Variants in PTPRO observed in about 807,000 individuals in gnomAD.
PTPRO encodes receptor-type tyrosine-protein phosphatase O.
In PTPRO, 62 loss-of-function variants were observed where a neutral mutation model predicts 145.2. The observed-to-expected ratio is 0.43, with a 90% confidence interval of 0.35 to 0.53. The LOEUF is 0.53. Ranked by LOEUF, PTPRO falls within the 20% of genes least tolerant of loss-of-function variation. The pLI is 0.01. For synonymous variants in PTPRO, 565 were observed against 514.7 expected (o/e 1.10, Z -1.32); for missense variants, 1,345 against 1,482.7 (o/e 0.91, Z 1.53).
At chr12:15,398,456 A>G (rs1320046992) in intron 1 of PTPRO, among the ~76,000 whole-genome samples, 1 of 149,612 alleles carries the variant, frequency 6.7e-6, no homozygotes, top group Non-Finnish European at 1.5e-5. Context: ...TACTATTTAT[A>G]TGCTAGCTAT....
intron 1 of PTPRO, among the ~76,000 whole-genome samples, chr12:15,407,030 T>C (rs777976761): frequency 3.9e-5 from 6 of 152,192 alleles, no homozygotes; most frequent in Non-Finnish European, 5.9e-5. Context: ...AGTGTGTTTC[T>C]GTCATTTGTT....
intron 19 of PTPRO, among the ~76,000 whole-genome samples, chr12:15,573,687 C>T (rs1415227310): frequency 6.6e-6 from 1 of 152,130 alleles, no homozygotes; most frequent in Non-Finnish European, 1.5e-5. Flanking sequence ...CAAGCAGTGG[C>T]CCGCTGGTCC....
intron 2 of PTPRO, among the ~76,000 whole-genome samples, chr12:15,495,275 C>T (rs2136458480): frequency 6.6e-6 from 1 of 151,270 alleles, no homozygotes; most frequent in East Asian, 1.9e-4. Flanking sequence ...CAGGAAAAAT[C>T]AAAGCATGAA....
At chr12:15,471,947 G>A (rs1941551527) in intron 1 of PTPRO, among the ~76,000 whole-genome samples, 1 of 152,156 alleles carries the variant, frequency 6.6e-6, no homozygotes, top group Admixed American at 6.5e-5. Flanking sequence ...TGAAAAGAAA[G>A]AATACCCAGG....
intron 1 of PTPRO, among the ~76,000 whole-genome samples, chr12:15,398,109 G>A (rs973275886): frequency 1.3e-5 from 2 of 152,152 alleles, no homozygotes; most frequent in African/African-American, 2.4e-5. Flanking sequence ...ATATGAGAGC[G>A]AAAAGGAGAA....
intron 23 of PTPRO, among the ~76,000 whole-genome samples, chr12:15,585,840 G>T (rs1309605695): frequency 2.0e-5 from 3 of 152,196 alleles, no homozygotes; most frequent in Non-Finnish European, 4.4e-5. Flanking sequence ...TTACAAGTTA[G>T]TTGGGACTAA....
At chr12:15,341,257 G>A (rs1244871558) in intron 1 of PTPRO, among the ~76,000 whole-genome samples, 2 of 151,828 alleles carry the variant, frequency 1.3e-5, no homozygotes, top group Admixed American at 6.6e-5. Context: ...TTTTTAGTTT[G>A]TCCATGAGAT....
rs758192829 is a variant in PTPRO, at chr12:15,427,141, A to ATC, written c.76-56832_76-56831insCT. On this transcript the variant is annotated intron_variant, in intron 1 of 26. Coordinates refer to ENST00000281171, the MANE Select transcript of PTPRO (RefSeq NM_030667.3). ...GGCTCTTAGATGCTCACATGCTAGAATAAGACAAAAAGAATTAGGCCATTC... is the reference window on the plus strand; with the variant it reads ...GGCTCTTAGATGCTCACATGCTAGAATCTAAGACAAAAAGAATTAGGCCATTC... Among the ~76,000 whole-genome samples, 949 of 152,200 alleles carry ATC rather than the reference A, an allele frequency of 6.2e-3. 12 individuals are homozygous for ATC. The highest frequency in any genetic ancestry group is 0.021 in the African/African-American group (888 of 41,550).
chr12:15,585,125 C>T (rs1944403945), intron 23 of PTPRO, among the ~76,000 whole-genome samples: 1 of 152,184 alleles, frequency 6.6e-6, no homozygotes, highest in Non-Finnish European at 1.5e-5. Flanking sequence ...TTTAAATCAC[C>T]TTGCACTTTT....
chr12:15,415,219 G>C (rs1939914230), intron 1 of PTPRO, among the ~76,000 whole-genome samples: 1 of 152,016 alleles, frequency 6.6e-6, no homozygotes, highest in Admixed American at 6.6e-5. Flanking sequence ...GGCCCGTCCA[G>C]CTACCTCCCC....
At chr12:15,522,277 T>C (rs929586441) in intron 10 of PTPRO, among the ~76,000 whole-genome samples, 1 of 151,674 alleles carries the variant, frequency 6.6e-6, no homozygotes, top group Non-Finnish European at 1.5e-5. Context: ...TACTTTAAGT[T>C]CTGGGATACA....
intron 1 of PTPRO, among the ~76,000 whole-genome samples, chr12:15,417,095 A>G (rs1303126491): frequency 6.6e-6 from 1 of 151,694 alleles, no homozygotes; most frequent in East Asian, 1.9e-4. Flanking sequence ...CTTCCTAGGA[A>G]TGATCCTCTC....
chr12:15,356,598 C>T (rs1937996769), intron 1 of PTPRO, among the ~76,000 whole-genome samples: 1 of 152,084 alleles, frequency 6.6e-6, no homozygotes, highest in African/African-American at 2.4e-5. Flanking sequence ...CTTCTTCTTC[C>T]CCTTTTCTCT....
chr12:15,551,365 C>T (rs1392237220), intron 14 of PTPRO, among the ~76,000 whole-genome samples, 186 bp from the exon 15 acceptor site: 2 of 152,140 alleles, frequency 1.3e-5, no homozygotes, highest in African/African-American at 4.8e-5. Context: ...TACCACTTAT[C>T]AGTCTAGTTT....
At position 15,551,543 on chromosome 12, in the gene PTPRO, C is replaced by T. The variant is rs768192647; in HGVS notation, c.2438-8C>T. On this transcript the variant is annotated splice_region_variant and splice_polypyrimidine_tract_variant and intron_variant, in intron 14 of 26. Transcript: ENST00000281171. The stretch of plus-strand genomic sequence containing the variant: ...CCTATGATGAAAATGCACAACTTAT[C>T]TCTTTAGTTACAGAGATGAATCCCA... 6.2e-7 allele frequency: 1 copy of T among 1,612,864 alleles called. No homozygotes were observed. Among genetic ancestry groups the T allele is most frequent in the Non-Finnish European group, 8.5e-7 (1 of 1,179,718 alleles).
Position 15,580,709 on chromosome 12 carries a change from C to T in PTPRO, c.3010C>T (p.Pro1004Ser), listed in dbSNP as rs762204011. Residue 1004 changes from proline (P) to serine (S), a missense_variant, in exon 22 of 27, where the codon CCC (proline) becomes TCC (serine). Transcript: ENST00000281171. ...ACTTATCTTTCAGGGATACAACTCA[C>T]CCCAGGAGTATATTGCCACCCAGGG... Reference protein sequence around the residue: ...NANYIPGYNSPQEYIATQGPL... With the variant: ...NANYIPGYNSSQEYIATQGPL... 1.2e-6 allele frequency: 2 copies of T among 1,614,068 alleles called. No homozygotes were observed. The highest frequency in any genetic ancestry group is 2.2e-5 in the South Asian group (2 of 91,086).
intron 1 of PTPRO, among the ~76,000 whole-genome samples, chr12:15,399,651 A>G (rs747001892): frequency 1.3e-5 from 2 of 152,134 alleles, no homozygotes; most frequent in Non-Finnish European, 2.9e-5. Flanking sequence ...CTTATTTTTC[A>G]TATCTTGTGT....
At chr12:15,559,959 A>C (rs1943729482) in intron 16 of PTPRO, among the ~76,000 whole-genome samples, 1 of 152,168 alleles carries the variant, frequency 6.6e-6, no homozygotes, top group South Asian at 2.1e-4. Context: ...AGTTGAAAGA[A>C]ATATATCTGA....
chr12:15,581,298 C>CTTTTTTTT, intron 22 of PTPRO, among the ~76,000 whole-genome samples: 1 of 123,026 alleles, frequency 8.1e-6, no homozygotes. Context: ...TGAGTGCTTT[C>CTTTTTTTT]TTTTTTTTTT....
Sources: allele counts gnomAD v4.1 joint callset (sites outside exome capture counted in the v4.1 genomes callset), GRCh38; gene constraint gnomAD v4.1.1; transcripts MANE v1.5; gene names NCBI Gene and HGNC (gene_info 2026-07-23, HGNC 2026-07-21).